ZNF804A: variants seen among roughly 807,000 people sequenced by gnomAD.
ZNF804A encodes zinc finger protein 804A.
In ZNF804A, 2 loss-of-function variants were observed where a neutral mutation model predicts 16.5. That is an observed-to-expected ratio of 0.12 (90% CI 0.05 to 0.38). The LOEUF is 0.38. ZNF804A is among the 10% of genes least tolerant of loss of function. The pLI is 0.99. For missense variants in ZNF804A, 1,473 were observed against 1,390.7 expected (o/e 1.06, Z -0.94); for synonymous variants, 534 against 489.6 (o/e 1.09, Z -1.20).
chr2:184,897,644 A>G (rs1685109264), intron 2 of ZNF804A, among the ~76,000 whole-genome samples: 1 of 152,090 alleles, frequency 6.6e-6, no homozygotes, highest in Non-Finnish European at 1.5e-5. Context: ...TTTTATTTCA[A>G]TCATTAATTT....
intron 2 of ZNF804A, among the ~76,000 whole-genome samples, chr2:184,879,429 T>C (rs1371059807): frequency 6.6e-6 from 1 of 151,988 alleles, no homozygotes; most frequent in Non-Finnish European, 1.5e-5. Flanking sequence ...TAAACTTTTA[T>C]TGTATCACTC....
rs528707271 is a variant in ZNF804A at position 184,838,794 on chromosome 2, G to GA, written c.112-27566dup. 4.0e-3 allele frequency among the ~76,000 whole-genome samples: 608 copies of GA among 151,192 alleles called. 7 individuals carry two copies. Among genetic ancestry groups the GA allele is most frequent in the African/African-American group, 0.014 (563 of 41,284 alleles). ...AACCAGAAGCATTATCTATACTATA[G>GA]AAAAAAAAATTCAATATCAGCCCGG... On this transcript the variant is annotated intron_variant, in intron 1 of 3. Coordinates refer to ENST00000302277, the MANE Select transcript of ZNF804A (RefSeq NM_194250.2).
intron 1 of ZNF804A, among the ~76,000 whole-genome samples, chr2:184,774,477 A>G (rs978339862): frequency 6.6e-6 from 1 of 151,794 alleles, no homozygotes; most frequent in African/African-American, 2.4e-5. Context: ...TGTCTGGGAA[A>G]AAGTGGAGAA....
In ZNF804A at chr2:184,874,966, G is replaced by T. The variant is rs138713104; in HGVS notation, c.255+8454G>T. On this transcript the variant is annotated intron_variant, in intron 2 of 3. Transcript: ENST00000302277. ...CATAGGAAATAGCTTTACATAACAG[G>T]AAATACAGTATTTTAAGGATAACTA... 7.5e-3 allele frequency among the ~76,000 whole-genome samples: 1,148 copies of T among 152,184 alleles called. 17 individuals carry two copies. Among genetic ancestry groups the T allele is most frequent in the African/African-American group, 0.026 (1,091 of 41,520 alleles).
chr2:184,937,687 A>T lies in ZNF804A; in HGVS notation c.2291A>T (p.Glu764Val). 6.2e-7 allele frequency: 1 copy of T among 1,614,110 alleles called. No homozygotes were observed. The highest frequency in any genetic ancestry group is 8.5e-7 in the Non-Finnish European group (1 of 1,179,996). The change falls in exon 4 of 4, where the codon GAA becomes GTA. Residue 764 changes from glutamate to valine, a missense_variant. Transcript: ENST00000302277. ...AGAGGTTACAATTCTGTCATGAATG[A>T]ATCAGAAAGATTCTATCGAAAACGT... Reference protein sequence around the residue: ...VKRGYNSVMNESERFYRKRRQ... With the variant: ...VKRGYNSVMNVSERFYRKRRQ...
intron 2 of ZNF804A, among the ~76,000 whole-genome samples, chr2:184,901,132 C>A (rs1433556097): frequency 6.6e-6 from 1 of 152,114 alleles, no homozygotes; most frequent in African/African-American, 2.4e-5. Context: ...TGGCATGTAG[C>A]AATAGAATCT....
At chr2:184,626,228 C>G (rs1691496321) in intron 1 of ZNF804A, among the ~76,000 whole-genome samples, 1 of 152,058 alleles carries the variant, frequency 6.6e-6, no homozygotes, top group African/African-American at 2.4e-5. Flanking sequence ...TCTTTGTAAT[C>G]TCTAGCCCCG....
At chr2:184,910,241 T>G (rs1194810700) in intron 2 of ZNF804A, among the ~76,000 whole-genome samples, 1 of 152,014 alleles carries the variant, frequency 6.6e-6, no homozygotes, top group African/African-American at 2.4e-5. Context: ...TTTCTGTTGC[T>G]GCATTAATTT....
chr2:184,774,259 C>A (rs1254898423), intron 1 of ZNF804A, among the ~76,000 whole-genome samples: 1 of 151,850 alleles, frequency 6.6e-6, no homozygotes, highest in Non-Finnish European at 1.5e-5. Context: ...GAATTTACAT[C>A]TATTTGGTAA....
intron 1 of ZNF804A, among the ~76,000 whole-genome samples, chr2:184,755,172 A>G (rs1311440594): frequency 6.6e-6 from 1 of 151,982 alleles, no homozygotes; most frequent in African/African-American, 2.4e-5. Flanking sequence ...CTTTGAGGTT[A>G]CCTACATACA....
At chr2:184,832,983 G>A (rs1411931659) in intron 1 of ZNF804A, among the ~76,000 whole-genome samples, 1 of 151,870 alleles carries the variant, frequency 6.6e-6, no homozygotes, top group African/African-American at 2.4e-5. Flanking sequence ...TTGGACTTAT[G>A]CAAGAATTCA....
At chr2:184,778,721 A>G (rs1470325974) in intron 1 of ZNF804A, among the ~76,000 whole-genome samples, 4 of 151,722 alleles carry the variant, frequency 2.6e-5, no homozygotes, top group African/African-American at 4.8e-5. Context: ...CAGTTATTGT[A>G]CTAAAATTCA....
chr2:184,701,195 C>T (rs1185345614), intron 1 of ZNF804A, among the ~76,000 whole-genome samples: 4 of 151,736 alleles, frequency 2.6e-5, no homozygotes, highest in Non-Finnish European at 5.9e-5. Context: ...AACTGTGATT[C>T]AACCCTTCTA....
intron 1 of ZNF804A, among the ~76,000 whole-genome samples, chr2:184,757,279 A>G (rs1359979875): frequency 2.0e-5 from 3 of 152,028 alleles, no homozygotes; most frequent in Non-Finnish European, 4.4e-5. Flanking sequence ...ATGAATCAAA[A>G]GGGAAACCTG....
chr2:184,860,710 A>G (rs1276646616), intron 1 of ZNF804A, among the ~76,000 whole-genome samples: 1 of 152,212 alleles, frequency 6.6e-6, no homozygotes, highest in Non-Finnish European at 1.5e-5. Context: ...ATCTGATGCC[A>G]CAGGCAGTGG....
intron 2 of ZNF804A, among the ~76,000 whole-genome samples, chr2:184,872,423 T>G (rs1695991182): frequency 6.6e-6 from 1 of 152,112 alleles, no homozygotes; most frequent in Non-Finnish European, 1.5e-5. Flanking sequence ...GATGGTCTAA[T>G]GAGAATTTGA....
chr2:184,692,403 T>A (rs1049441984), intron 1 of ZNF804A, among the ~76,000 whole-genome samples: 1 of 152,190 alleles, frequency 6.6e-6, no homozygotes, highest in African/African-American at 2.4e-5. Context: ...CAACCACCCA[T>A]AACTGTCTAT....
intron 2 of ZNF804A, among the ~76,000 whole-genome samples, chr2:184,876,656 A>T (rs1684684125): frequency 6.6e-6 from 1 of 152,158 alleles, no homozygotes; most frequent in African/African-American, 2.4e-5. Context: ...TTTTGTCTTG[A>T]GTATGCACCA....
intron 1 of ZNF804A, among the ~76,000 whole-genome samples, chr2:184,814,176 C>CCATGTTTGAGATAGTTT (rs1470389738): frequency 6.6e-6 from 1 of 151,404 alleles, no homozygotes; most frequent in African/African-American, 2.4e-5. Context: ...CCTGATAGTT[C>CCATGTTTGAGATAGTTT]CATGTTTGAG....
Sources: gnomAD v4.1 joint callset for allele counts (sites outside exome capture counted in the v4.1 genomes callset) on GRCh38, gnomAD v4.1.1 for gene constraint, MANE v1.5 for transcripts, NCBI Gene and HGNC (gene_info 2026-07-23, HGNC 2026-07-21) for gene names.